CLPTM1: variants seen among roughly 807,000 people sequenced by gnomAD.
The protein encoded by CLPTM1 is putative lipid scramblase CLPTM1.
CLPTM1 carries 21 observed loss-of-function variants against 77.3 expected under a neutral mutation model. The observed-to-expected ratio is 0.27, with a 90% CI of 0.19 to 0.39. CLPTM1 has a LOEUF of 0.39. Among genes scored for constraint, CLPTM1 ranks in the 10% least tolerant of loss-of-function variants. The pLI is 1.00. For synonymous variants in CLPTM1, 373 were observed against 381.0 expected, an observed-to-expected ratio of 0.98 and a Z score of 0.24; for missense variants, 642 against 921.2, an observed-to-expected ratio of 0.70 and a Z score of 3.92.
At position 44,983,617 on chromosome 19, in the gene CLPTM1, C is replaced by CAAA. The variant is rs35582067; in HGVS notation, c.587-1575_587-1573dup. Among the ~76,000 whole-genome samples, 101 of 39,812 alleles carry CAAA rather than the reference C, an allele frequency of 2.5e-3. 1 individual carries two copies. The highest frequency in any genetic ancestry group is 8.7e-3 in the African/African-American group (65 of 7,504). The allele number at this position is 39,812 out of a possible 152,430, so 26.1% of individuals were successfully genotyped here. ...TGGATGACAGAGCGAGACTCTGTCT[C>CAAA]AAAAAAAAAAAAAAAAAAAAAAAAA... On this transcript the variant is annotated intron_variant, in intron 5 of 13. Coordinates refer to ENST00000337392, the MANE Select transcript of CLPTM1 (RefSeq NM_001294.4).
At chr19:44,984,493 C>G (rs1173390672) in intron 5 of CLPTM1, 1 of 152,232 alleles carries the variant, frequency 6.6e-6, no homozygotes, top group Non-Finnish European at 1.5e-5. Flanking sequence ...CACGGAGGAG[C>G]CAGGCCACGA....
intron 2 of CLPTM1, among the ~76,000 whole-genome samples, chr19:44,963,207 C>CAAAAAA (rs778157562): frequency 7.2e-4 from 21 of 29,042 alleles, no homozygotes; most frequent in Non-Finnish European, 9.0e-4. Context: ...GACTCCATCT[C>CAAAAAA]AAAAAAAAAA....
chr19:44,955,067 G>T, upstream of CLPTM1: 1 of 1,535,744 alleles, frequency 6.5e-7, no homozygotes, highest in Non-Finnish European at 8.7e-7. Flanking sequence ...TGTCCCGAAA[G>T]GCTCATATAA....
chr19:44,973,142 G>T lies in CLPTM1; in HGVS notation c.241G>T (p.Asp81Tyr). Residue 81 changes from aspartate to tyrosine, a missense_variant, in exon 3 of 14, where the codon GAC (aspartate) becomes TAC (tyrosine). Transcript: ENST00000337392. ...GTTCCGCCGAGGGCCGGCCCCTCAGGACCAGGCGGGCCCCGGAGGAGCTCC... is the reference window on the plus strand; with the variant it reads ...GTTCCGCCGAGGGCCGGCCCCTCAGTACCAGGCGGGCCCCGGAGGAGCTCC... ...SWFRRGPAPQ[D>Y]QAGPGGAPRV... 1.2e-6 allele frequency: 2 copies of T among 1,614,076 alleles called. No homozygotes were observed.
upstream of CLPTM1, chr19:44,955,288 A>T: frequency 7.2e-7 from 1 of 1,395,170 alleles, no homozygotes; most frequent in South Asian, 1.4e-5. Flanking sequence ...CTCTTGCCGG[A>T]TAGGGTGGCC....
At chr19:44,972,081 CGAT>C (rs1242736839) in intron 2 of CLPTM1, among the ~76,000 whole-genome samples, 1 of 151,134 alleles carries the variant, frequency 6.6e-6, no homozygotes, top group Non-Finnish European at 1.5e-5. Flanking sequence ...ATGTTGGCCA[CGAT>C]GATCTCGATT....
intron 9 of CLPTM1, among the ~76,000 whole-genome samples, chr19:44,988,968 C>T (rs1020022772): frequency 9.2e-5 from 14 of 152,194 alleles, no homozygotes; most frequent in Admixed American, 7.2e-4. Context: ...ATCACCTAAG[C>T]CCCGGAGTTT....
chr19:44,957,960 A>G (rs192416639), intron 1 of CLPTM1, among the ~76,000 whole-genome samples: 50 of 152,302 alleles, frequency 3.3e-4, no homozygotes, highest in African/African-American at 1.2e-3. Flanking sequence ...TTATAGGGGA[A>G]GCACAGACAG....
chr19:44,992,480 GC>G lies in CLPTM1; in HGVS notation c.1723+82del. 1 of 1,594,448 alleles carries G rather than the reference GC, an allele frequency of 6.3e-7. No homozygotes were observed. The highest frequency in any genetic ancestry group is 8.6e-7 in the Non-Finnish European group (1 of 1,165,972). On this transcript the variant is annotated intron_variant, in intron 13 of 13. Transcript: ENST00000337392. The surrounding 1 kb of genome is among the most constrained non-coding windows in gnomAD (Gnocchi z 7.7). ...CTTTAGGGCCCAGGCCTGAGGGGGTGCCACGGCCCCAGATGGGGTGCTCAGT... is the reference window on the plus strand; with the variant it reads ...CTTTAGGGCCCAGGCCTGAGGGGGTGCACGGCCCCAGATGGGGTGCTCAGT...
At chr19:44,987,602 CCTAGATGACTGGGGGT>C in intron 8 of CLPTM1, 179 bp downstream of exon 8, 1 of 792,890 alleles carries the variant, frequency 1.3e-6, no homozygotes, top group East Asian at 2.7e-5. Flanking sequence ...GCCCTCCAGC[CCTAGATGACTGGGGGT>C]CCTCTCCCCA....
intron 1 of CLPTM1, among the ~76,000 whole-genome samples, chr19:44,958,434 C>CA (rs1311374721): frequency 2.0e-5 from 3 of 151,650 alleles, no homozygotes; most frequent in Non-Finnish European, 2.9e-5. Flanking sequence ...TTTCTCACCA[C>CA]AATCTCGGCT....
In CLPTM1 at chr19:44,990,966, G is replaced by A; in HGVS notation, c.1419+21G>A. On this transcript the variant is annotated intron_variant, in intron 11 of 13. Transcript: ENST00000337392. This position sits in a 1 kb window ranked among gnomAD's most constrained non-coding sequence, Gnocchi z 4.8. ...ATGATGTGAGTGTCCTGCACAGTGG[G>A]CCCCTGGGGGTGGTCTCCAGGTACC... is the stretch of plus-strand genomic sequence containing the variant. 1.3e-6 allele frequency: 2 copies of A among 1,511,990 alleles called. No homozygotes were observed. Among genetic ancestry groups the A allele is most frequent in the East Asian group, 2.4e-5 (1 of 42,094 alleles). The allele number at this position is 1,511,990 out of a possible 1,614,324, so 93.7% of individuals were successfully genotyped here. A position where few individuals can be genotyped will look rare whatever the true frequency, so the allele number is the denominator to read the frequency against.
chr19:44,988,105 A>T lies in CLPTM1; in HGVS notation c.1064A>T (p.Tyr355Phe). Residue 355 changes from tyrosine (Y) to phenylalanine (F), a missense_variant, in exon 9 of 14, where the codon TAC (tyrosine) becomes TTC (phenylalanine). Physicochemically the swap from Tyr to Phe is conservative, Grantham distance 22 (BLOSUM62 3). Transcript: ENST00000337392. ...VKVALLETNP[Y>F]LLALTIIVSI... ...GTGGCCCTGCTGGAGACCAACCCCT[A>T]CCTGCTGGCGCTCACCATCATCGTG... 1 of 1,613,688 alleles carries T rather than the reference A, an allele frequency of 6.2e-7. No individual in the cohort carries two copies. The highest frequency in any genetic ancestry group is 8.5e-7 in the Non-Finnish European group (1 of 1,179,850).
intron 2 of CLPTM1, among the ~76,000 whole-genome samples, chr19:44,966,773 T>C (rs1970636454): frequency 6.6e-6 from 1 of 152,040 alleles, no homozygotes; most frequent in African/African-American, 2.4e-5. Context: ...TTGGCCATGA[T>C]TCCTTTTGTT....
intron 1 of CLPTM1, among the ~76,000 whole-genome samples, chr19:44,960,458 A>G (rs1304270640): frequency 6.6e-6 from 1 of 152,236 alleles, no homozygotes; most frequent in African/African-American, 2.4e-5. Context: ...TGATGTGCCC[A>G]AGGTGTCACA....
intron 2 of CLPTM1, among the ~76,000 whole-genome samples, chr19:44,970,825 A>T (rs1057375917): frequency 4.9e-5 from 6 of 122,060 alleles, no homozygotes; most frequent in Admixed American, 8.0e-5. Context: ...AAGATCCTTT[A>T]CTTCTTTTTT....
chr19:44,955,529 G>A (rs1970448661), intron 1 of CLPTM1, 62 bp downstream of exon 1: 1 of 1,246,134 alleles, frequency 8.0e-7, no homozygotes, highest in Non-Finnish European at 1.0e-6. Flanking sequence ...CCCACGGGGC[G>A]TGTCCTACCT....
intron 2 of CLPTM1, among the ~76,000 whole-genome samples, chr19:44,967,300 C>T (rs4803784): frequency 6.6e-6 from 1 of 151,636 alleles, no homozygotes; most frequent in East Asian, 1.9e-4. Flanking sequence ...GCCTAGGCAA[C>T]AGAGTGAGAC....
rs1220617122 is a variant in CLPTM1, at chr19:44,992,128, T to C, written c.1556-105T>C. The C allele has an allele frequency of 1.7e-6, 2 of 1,193,926 alleles. No homozygotes were observed. Among genetic ancestry groups the C allele is most frequent in the Non-Finnish European group, 2.4e-6 (2 of 831,728 alleles). 74.0% of individuals were successfully genotyped at this position (1,193,926 alleles called of 1,614,324 possible). A position where few individuals can be genotyped will look rare whatever the true frequency, so the allele number is the denominator to read the frequency against. On this transcript the variant is annotated intron_variant, in intron 12 of 13. Coordinates refer to ENST00000337392, the MANE Select transcript of CLPTM1 (RefSeq NM_001294.4). The surrounding 1 kb of genome is among the most constrained non-coding windows in gnomAD (Gnocchi z 7.7). Reference sequence around the variant, plus strand: ...CCCAGGTATAGGAAGTGGTAGAGTGTGCCCAGGTGTAGGAAGTGGTGAGGG... The same window carrying C: ...CCCAGGTATAGGAAGTGGTAGAGTGCGCCCAGGTGTAGGAAGTGGTGAGGG...
Sources: gnomAD v4.1 joint callset for allele counts (sites outside exome capture counted in the v4.1 genomes callset) on GRCh38, gnomAD v4.1.1 for gene constraint, Gnocchi (gnomAD v3.1) non-coding constraint, MANE v1.5 for transcripts, NCBI Gene and HGNC (gene_info 2026-07-23, HGNC 2026-07-21) for gene names.